FGGY: variants seen among roughly 807,000 people sequenced by gnomAD.
The protein encoded by FGGY is FGGY carbohydrate kinase domain containing.
A neutral mutation model predicts 71.3 loss-of-function variants in FGGY; 72 were observed. The observed-to-expected ratio is 1.01, with a 90% confidence interval of 0.84 to 1.23. The LOEUF (loss-of-function observed/expected upper bound fraction) is 1.23, where lower values mean the gene tolerates loss of function less well. Among genes scored for constraint, FGGY ranks in the 50% most tolerant of loss-of-function variants. The pLI is 0.00. For synonymous variants in FGGY, 251 were observed against 250.3 expected (o/e 1.00, Z -0.02); for missense variants, 668 against 682.3 (o/e 0.98, Z 0.23).
chr1:59,497,543 A>G (rs1489514415), intron 6 of FGGY, among the ~76,000 whole-genome samples: 1 of 152,206 alleles, frequency 6.6e-6, no homozygotes, highest in African/African-American at 2.4e-5. Context: ...AGCCGAGATC[A>G]TGCCACTACA....
At chr1:59,514,374 A>T (rs1227071337) in intron 7 of FGGY, among the ~76,000 whole-genome samples, 1 of 152,176 alleles carries the variant, frequency 6.6e-6, no homozygotes, top group African/African-American at 2.4e-5. Context: ...TCCCTCAGGG[A>T]CGTGCCAAAA....
intron 12 of FGGY, among the ~76,000 whole-genome samples, chr1:59,661,934 T>C (rs2097278507): frequency 6.6e-6 from 1 of 150,698 alleles, no homozygotes; most frequent in African/African-American, 2.4e-5. Flanking sequence ...TTGGCCAGGA[T>C]AGTCTGGATC....
At chr1:59,716,910 T>C (rs950282037) in intron 14 of FGGY, among the ~76,000 whole-genome samples, 1 of 152,294 alleles carries the variant, frequency 6.6e-6, no homozygotes, top group Admixed American at 6.5e-5. Context: ...CTGGGAACTG[T>C]AGAAAATCAG....
chr1:59,484,717 A>G (rs1470422558), intron 6 of FGGY, among the ~76,000 whole-genome samples: 2 of 152,200 alleles, frequency 1.3e-5, no homozygotes, highest in Non-Finnish European at 1.5e-5. Context: ...GTGTTTTCAA[A>G]TAAAATTCAC....
At chr1:59,517,845 C>T (rs992094244) in intron 7 of FGGY, among the ~76,000 whole-genome samples, 3 of 152,160 alleles carry the variant, frequency 2.0e-5, no homozygotes, top group Admixed American at 1.3e-4. Context: ...ACGGATATTA[C>T]AACTGAGAGA....
chr1:59,591,024 G>C (rs1432037089), intron 8 of FGGY, among the ~76,000 whole-genome samples: 1 of 152,166 alleles, frequency 6.6e-6, no homozygotes, highest in Non-Finnish European at 1.5e-5. Flanking sequence ...TGACGTGATT[G>C]TATATCTAGA....
intron 8 of FGGY, among the ~76,000 whole-genome samples, chr1:59,584,680 C>T (rs907017513): frequency 2.0e-5 from 3 of 149,700 alleles, no homozygotes; most frequent in Admixed American, 2.0e-4. Flanking sequence ...GGCAATCAGG[C>T]AGGAGAAGGA....
intron 6 of FGGY, among the ~76,000 whole-genome samples, chr1:59,481,609 T>A (rs951434646): frequency 3.9e-5 from 6 of 152,208 alleles, no homozygotes; most frequent in African/African-American, 1.4e-4. Context: ...CTCAGGGTTC[T>A]GTTGACTCTT....
intron 14 of FGGY, among the ~76,000 whole-genome samples, chr1:59,713,239 A>G (rs1194987827): frequency 4.6e-5 from 7 of 152,218 alleles, no homozygotes; most frequent in East Asian, 1.9e-4. Context: ...TATCACTATC[A>G]GCATTTTTGT....
intron 6 of FGGY, among the ~76,000 whole-genome samples, chr1:59,477,046 G>C (rs2093296512): frequency 6.6e-6 from 1 of 152,098 alleles, no homozygotes; most frequent in Non-Finnish European, 1.5e-5. Flanking sequence ...TTATTGACTT[G>C]GGACTTGCTT....
chr1:59,733,602 C>T (rs1002379660), intron 14 of FGGY, among the ~76,000 whole-genome samples: 3 of 152,170 alleles, frequency 2.0e-5, no homozygotes, highest in Admixed American at 2.0e-4. Context: ...CTGATGTAAG[C>T]TTTGGCCTTG....
chr1:59,447,838 G>A (rs773881683), intron 5 of FGGY, among the ~76,000 whole-genome samples: 1 of 152,170 alleles, frequency 6.6e-6, no homozygotes, highest in Non-Finnish European at 1.5e-5. Flanking sequence ...TCTCAGGTAT[G>A]TCTTTATCAG....
chr1:59,592,003 A>G (rs1415040414), intron 8 of FGGY, among the ~76,000 whole-genome samples: 2 of 152,224 alleles, frequency 1.3e-5, no homozygotes, highest in African/African-American at 4.8e-5. Flanking sequence ...TGAACAGGCA[A>G]CCTACAAAAT....
At chr1:59,440,349 C>T (rs2069522709) in intron 5 of FGGY, among the ~76,000 whole-genome samples, 1 of 152,086 alleles carries the variant, frequency 6.6e-6, no homozygotes, top group Non-Finnish European at 1.5e-5. Context: ...TTTCTTTCCT[C>T]ATTTAGTTTA....
intron 14 of FGGY, among the ~76,000 whole-genome samples, chr1:59,739,293 A>AT (rs1246822807): frequency 2.0e-5 from 3 of 152,208 alleles, no homozygotes; most frequent in Non-Finnish European, 2.9e-5. Flanking sequence ...CTGACAGATT[A>AT]TTTTTTAATT....
At chr1:59,396,375 A>T (rs1304192429) in intron 5 of FGGY, among the ~76,000 whole-genome samples, 2 of 152,170 alleles carry the variant, frequency 1.3e-5, no homozygotes, top group African/African-American at 2.4e-5. Flanking sequence ...GTGTGTCTGT[A>T]GCTTGACAGT....
In FGGY at chr1:59,676,571, T is replaced by G. The variant is rs532844426; in HGVS notation, c.1512+2438T>G. 3.9e-5 allele frequency among the ~76,000 whole-genome samples: 6 copies of G among 151,998 alleles called. No individual in the cohort carries two copies. In the South Asian group the frequency reaches 1.3e-3, roughly 32 times the overall value. ...ATCTCCAGCTCCAAAGGAATTCCAC[T>G]CACATCTTCCCCTAATGGGAAACTG... On this transcript the variant is annotated intron_variant, in intron 14 of 15. Transcript: ENST00000303721.
At chr1:59,589,170 A>G (rs182902353) in intron 8 of FGGY, among the ~76,000 whole-genome samples, 2 of 152,332 alleles carry the variant, frequency 1.3e-5, no homozygotes, top group Admixed American at 6.5e-5. Flanking sequence ...CTTTAAACCA[A>G]CAAAGATCAA....
chr1:59,581,359 AC>A (rs2096191871), intron 8 of FGGY, among the ~76,000 whole-genome samples: 1 of 150,194 alleles, frequency 6.7e-6, no homozygotes, highest in African/African-American at 2.5e-5. Flanking sequence ...AAATTATCTC[AC>A]AACTTCTTCT....
Sources: gnomAD v4.1 joint callset for allele counts (sites outside exome capture counted in the v4.1 genomes callset) on GRCh38, gnomAD v4.1.1 for gene constraint, MANE v1.5 for transcripts, NCBI Gene and HGNC (gene_info 2026-07-23, HGNC 2026-07-21) for gene names.